The following MYOM2 variants were observed in gnomAD, a reference collection of about 807,000 sequenced individuals.
MYOM2 encodes the protein myomesin 2.
MYOM2 carries 254 observed loss-of-function variants against 187.6 expected under a neutral mutation model. The ratio of observed to expected loss-of-function variants is 1.35; its 90% CI spans 1.22 to 1.50. The LOEUF (loss-of-function observed/expected upper bound fraction) is 1.50, where lower values mean the gene tolerates loss of function less well. Ranked by LOEUF, MYOM2 falls within the 40% of genes most tolerant of loss-of-function variation. MYOM2 has a pLI of 0.00. For missense variants in MYOM2, 2,796 were observed against 1,924.0 expected, an observed-to-expected ratio of 1.45 and a Z score of -8.48; for synonymous variants, 981 against 753.8, an observed-to-expected ratio of 1.30 and a Z score of -4.94.
At position 2,141,186 on chromosome 8, in the gene MYOM2, T is replaced by G. The variant is rs1004748391; in HGVS notation, c.4001+9T>G. ...GAATTCCAGCAATTCAAGTAAGATTTGTGTATTTAGTTACTATGATATCCT... is the reference window on the plus strand; with the variant it reads ...GAATTCCAGCAATTCAAGTAAGATTGGTGTATTTAGTTACTATGATATCCT... On this transcript the variant is annotated intron_variant, in intron 34 of 36. Transcript: ENST00000262113. The G allele has an allele frequency of 6.2e-7, 1 of 1,612,044 alleles. No homozygotes were observed. Among genetic ancestry groups the G allele is most frequent in the Non-Finnish European group, 8.5e-7 (1 of 1,178,524 alleles).
At chr8:2,069,393 G>C (rs552346384) in intron 7 of MYOM2, 27 bp downstream of exon 7, 1 of 1,613,894 alleles carries the variant, frequency 6.2e-7, no homozygotes, top group Non-Finnish European at 8.5e-7. Context: ...CTTTCACGGG[G>C]CACCTCCCGC....
At chr8:2,107,216 C>G (rs992246332) in intron 23 of MYOM2, among the ~76,000 whole-genome samples, 2 of 152,068 alleles carry the variant, frequency 1.3e-5, no homozygotes, top group East Asian at 1.9e-4. Flanking sequence ...TTGTGTGGCC[C>G]GTCATCTACC....
chr8:2,120,680 T>TATATATATATATTTCCTGTATATATA, intron 28 of MYOM2, among the ~76,000 whole-genome samples: 14 of 48,294 alleles, frequency 2.9e-4, no homozygotes, highest in African/African-American at 8.5e-4. Flanking sequence ...ATATATTATA[T>TATATATATATATTTCCTGTATATATA]TATATATAAA....
intron 30 of MYOM2, 102 bp downstream of exon 30, chr8:2,123,744 C>G: frequency 2.1e-6 from 2 of 963,210 alleles, no homozygotes; most frequent in South Asian, 2.9e-5. Flanking sequence ...AGCTATAGCA[C>G]ACATTGTGTC....
At chr8:2,048,299 C>G (rs904390584) in intron 1 of MYOM2, among the ~76,000 whole-genome samples, 2 of 152,220 alleles carry the variant, frequency 1.3e-5, no homozygotes, top group Non-Finnish European at 2.9e-5. Context: ...CTTCCCCAAC[C>G]TTGGTCCAAC....
At chr8:2,070,253 T>G (rs1819167713) in intron 8 of MYOM2, among the ~76,000 whole-genome samples, 1 of 152,208 alleles carries the variant, frequency 6.6e-6, no homozygotes, top group Non-Finnish European at 1.5e-5. Flanking sequence ...TACATTCCGA[T>G]GGAAGCACTG....
In MYOM2 at chr8:2,123,722, A is replaced by C. The variant is rs546742499; in HGVS notation, c.3655+80A>C. 1,083 of 1,213,846 alleles carry C rather than the reference A, an allele frequency of 8.9e-4. 12 individuals are homozygous for C. The South Asian group carries it at 0.013, about 14-fold the overall frequency. The allele number at this position is 1,213,846 out of a possible 1,614,324, so 75.2% of individuals were successfully genotyped here. On this transcript the variant is annotated intron_variant, in intron 30 of 36. Coordinates refer to ENST00000262113, the MANE Select transcript of MYOM2 (RefSeq NM_003970.4). ...TGGGATGTATTCTGAAGGCAGGTCT[A>C]TGTCTAGCCTCAGCTATAGCACACA...
At chr8:2,112,724 A>C (rs1797108387) in intron 25 of MYOM2, among the ~76,000 whole-genome samples, 2 of 152,264 alleles carry the variant, frequency 1.3e-5, no homozygotes, top group East Asian at 3.8e-4. Context: ...TGCAATATCA[A>C]AACAGAAATG....
chr8:2,091,639 A>G (rs1796306716), intron 15 of MYOM2, among the ~76,000 whole-genome samples: 1 of 152,228 alleles, frequency 6.6e-6, no homozygotes, highest in Non-Finnish European at 1.5e-5. Flanking sequence ...CCTCCAGGGC[A>G]TCCTCAAGTT....
chr8:2,109,604 A>G, intron 25 of MYOM2, 73 bp downstream of exon 25: 9 of 1,463,218 alleles, frequency 6.2e-6, no homozygotes, highest in Non-Finnish European at 8.3e-6. Flanking sequence ...GTTACTGAAT[A>G]TCAACATTCT....
chr8:2,072,680 C>G (rs1307001455), intron 9 of MYOM2, among the ~76,000 whole-genome samples, 171 bp downstream of exon 9: 1 of 152,242 alleles, frequency 6.6e-6, no homozygotes, highest in Non-Finnish European at 1.5e-5. Context: ...TCGCCTTGAA[C>G]TTCATCCAGG....
intron 3 of MYOM2, 56 bp downstream of exon 3, chr8:2,052,369 G>A (rs903082303): frequency 9.9e-6 from 15 of 1,520,640 alleles, no homozygotes; most frequent in African/African-American, 2.8e-5. Context: ...CACAGTGGAG[G>A]GACAGTGGGG....
Position 2,085,488 on chromosome 8 carries a change from G to GT in MYOM2, c.1644+98_1644+99insT. 2.9e-6 allele frequency: 4 copies of GT among 1,399,574 alleles called. 2 individuals carry two copies. The highest frequency in any genetic ancestry group is 3.8e-6 in the Non-Finnish European group (4 of 1,046,258). The allele number at this position is 1,399,574 out of a possible 1,614,324, so 86.7% of individuals were successfully genotyped here. The stretch of plus-strand genomic sequence containing the variant: ...CCACCGCTGTCGTGATCTCCGCGTG[G>GT]CCCCTCACTGTTGTGATCTCCGCGT... On this transcript the variant is annotated intron_variant, in intron 14 of 36. Transcript: ENST00000262113.
Position 2,090,189 on chromosome 8 carries a change from C to G in MYOM2, c.1826C>G (p.Thr609Ser). 3 of 1,611,916 alleles carry G rather than the reference C, an allele frequency of 1.9e-6. No homozygotes were observed. Among genetic ancestry groups the G allele is most frequent in the Non-Finnish European group, 2.5e-6 (3 of 1,178,434 alleles). ...TCCCCCATTCAGGCCCAGGATGTGA[C>G]CGGTGAGCTGTCACACTGGGTGGCC... ...ITSPIQAQDV[T>S]VVPSAPGRVL... The change falls in exon 15 of 37, where the codon ACC becomes AGC. Residue 609 changes from threonine to serine, a missense_variant and splice_region_variant. Physicochemically the swap from Thr to Ser is moderately conservative, Grantham distance 58. Transcript: ENST00000262113.
intron 6 of MYOM2, among the ~76,000 whole-genome samples, chr8:2,066,980 C>G (rs1205609063): frequency 6.6e-6 from 1 of 152,168 alleles, no homozygotes; most frequent in Non-Finnish European, 1.5e-5. Flanking sequence ...GTTTGAAAAT[C>G]TACCCAGACT....
At chr8:2,064,174 C>T (rs899981537) in intron 6 of MYOM2, among the ~76,000 whole-genome samples, 3 of 152,198 alleles carry the variant, frequency 2.0e-5, no homozygotes, top group African/African-American at 4.8e-5. Context: ...GCCCAGGCCC[C>T]CTGCTTCCCG....
chr8:2,116,056 C>A lies in MYOM2; in HGVS notation c.3277C>A (p.His1093Asn). Residue 1093 changes from histidine (H) to asparagine (N), a missense_variant, in exon 26 of 37, where the codon CAT becomes AAT. Transcript: ENST00000262113. ...TGAGGGGACCTACACTGTGCAGATT[C>A]ATGATGGGAAAGCCAAAAGTCAGTC... The part of the protein sequence containing the change: ...ENEGTYTVQI[H>N]DGKAKSQSSL... The A allele has an allele frequency of 6.2e-7, 1 of 1,613,890 alleles. No individual in the cohort carries two copies. The highest frequency in any genetic ancestry group is 8.5e-7 in the Non-Finnish European group (1 of 1,179,978).
At chr8:2,109,726 G>T (rs1194481780) in intron 25 of MYOM2, among the ~76,000 whole-genome samples, 195 bp downstream of exon 25, 1 of 152,216 alleles carries the variant, frequency 6.6e-6, no homozygotes, top group Non-Finnish European at 1.5e-5. Flanking sequence ...TGGGTTACAG[G>T]AGACATCAGG....
chr8:2,117,047 T>G lies in MYOM2; in HGVS notation c.3385+772T>G, dbSNP rs191287999. Among the ~76,000 whole-genome samples the G allele has an allele frequency of 5.7e-3, 862 of 152,342 alleles. 8 individuals are homozygous for G. Among genetic ancestry groups the G allele is most frequent in the African/African-American group, 0.019 (772 of 41,586 alleles). ...CAAAGTGCTGGGATTACAGGGGTGA[T>G]CCACTGCGCCCAGCCTCAAAAAACA... On this transcript the variant is annotated intron_variant, in intron 27 of 36. Transcript: ENST00000262113.
Sources: gnomAD v4.1 joint callset for allele counts (sites outside exome capture counted in the v4.1 genomes callset) on GRCh38, gnomAD v4.1.1 for gene constraint, MANE v1.5 for transcripts, NCBI Gene and HGNC (gene_info 2026-07-23, HGNC 2026-07-21) for gene names.